The following PSMB2 variants were observed in gnomAD, a reference collection of about 807,000 sequenced individuals.
PSMB2 encodes the protein proteasome 20S subunit beta 2.
Under a neutral mutation model 25.7 loss-of-function variants are expected in PSMB2, and 13 were observed. The observed-to-expected ratio is 0.51, with a 90% CI of 0.33 to 0.80. PSMB2 has a LOEUF of 0.80. PSMB2 is among the 30% of genes least tolerant of loss of function. The pLI, the probability that PSMB2 is intolerant of heterozygous loss-of-function variation, is 0.02. For synonymous variants in PSMB2, 87 were observed against 96.2 expected (o/e 0.90, Z 0.56); for missense variants, 202 against 259.0 (o/e 0.78, Z 1.51).
Position 35,601,458 on chromosome 1 carries a change from G to C in PSMB2, c.*1809C>G. ...CCTATGCATATTCATGGTGGTGTTG[G>C]AGGTTGAATCAACTGTAGTGACGTG... On this transcript the variant is annotated 3_prime_UTR_variant, in exon 6 of 6. Coordinates refer to ENST00000373237, the MANE Select transcript of PSMB2 (RefSeq NM_002794.5). 1 of 985,336 alleles carries C rather than the reference G, an allele frequency of 1.0e-6. No individual in the cohort carries two copies. Among genetic ancestry groups the C allele is most frequent in the Non-Finnish European group, 1.2e-6 (1 of 829,924 alleles). The allele number at this position is 985,336 out of a possible 1,614,324, so 61.0% of individuals were successfully genotyped here. A position where few individuals can be genotyped will look rare whatever the true frequency, so the allele number is the denominator to read the frequency against.
chr1:35,606,164 T>C (rs757018736), intron 4 of PSMB2, among the ~76,000 whole-genome samples: 2 of 152,136 alleles, frequency 1.3e-5, no homozygotes, highest in Non-Finnish European at 2.9e-5. Context: ...AGATGGAACT[T>C]AGCACAAAAG....
At chr1:35,618,388 A>G (rs766901367) in intron 3 of PSMB2, among the ~76,000 whole-genome samples, 1 of 152,188 alleles carries the variant, frequency 6.6e-6, no homozygotes, top group Admixed American at 6.5e-5. Flanking sequence ...CTGAATGAAG[A>G]GCCAGCCAGT....
At chr1:35,628,593 AAAAATATATAT>A (rs1323088246) in intron 3 of PSMB2, among the ~76,000 whole-genome samples, 13 of 27,228 alleles carry the variant, frequency 4.8e-4, no homozygotes, top group East Asian at 3.9e-3. Context: ...AAAAAAAAAA[AAAAATATATAT>A]ATATATATAT....
chr1:35,640,518 A>C (rs1651363933), intron 1 of PSMB2, among the ~76,000 whole-genome samples: 1 of 152,264 alleles, frequency 6.6e-6, no homozygotes, highest in Admixed American at 6.5e-5. Context: ...CTGGAAAAGA[A>C]GAATCGGGAG....
At chr1:35,609,949 A>AT (rs1650282503) in intron 3 of PSMB2, among the ~76,000 whole-genome samples, 1 of 152,200 alleles carries the variant, frequency 6.6e-6, no homozygotes, top group South Asian at 2.1e-4. Context: ...ATAAAAAAAA[A>AT]TTTTGCAAGC....
intron 3 of PSMB2, among the ~76,000 whole-genome samples, chr1:35,625,237 C>T (rs2148572473): frequency 6.6e-6 from 1 of 152,266 alleles, no homozygotes; most frequent in Non-Finnish European, 1.5e-5. Flanking sequence ...ACCAAAGGCT[C>T]ATGAAACACT....
intron 3 of PSMB2, among the ~76,000 whole-genome samples, chr1:35,610,558 C>T (rs1317665184): frequency 1.3e-5 from 2 of 152,052 alleles, no homozygotes; most frequent in African/African-American, 2.4e-5. Flanking sequence ...AGCAATGGTG[C>T]GATCTTGGCT....
intron 1 of PSMB2, among the ~76,000 whole-genome samples, chr1:35,638,682 G>C (rs994582160): frequency 6.6e-6 from 1 of 152,116 alleles, no homozygotes; most frequent in African/African-American, 2.4e-5. Context: ...GGAGTACTCC[G>C]AGTAACTTAA....
intron 3 of PSMB2, among the ~76,000 whole-genome samples, chr1:35,615,799 T>G (rs1650476169): frequency 1.3e-5 from 2 of 152,212 alleles, no homozygotes; most frequent in Non-Finnish European, 2.9e-5. Context: ...ATTTCTTTTT[T>G]GATGTGTTGC....
At chr1:35,636,153 C>T (rs1651240280) in intron 2 of PSMB2, among the ~76,000 whole-genome samples, 157 bp downstream of exon 2, 1 of 152,124 alleles carries the variant, frequency 6.6e-6, no homozygotes, top group South Asian at 2.1e-4. Context: ...GGAGAGAGGC[C>T]TCAGAAATCA....
rs919078612 is a variant in PSMB2 at position 35,602,935 on chromosome 1, T to C, written c.*332A>G. The C allele has an allele frequency of 4.8e-6, 5 of 1,035,356 alleles. No homozygotes were observed. The African/African-American group carries it at 5.1e-5, about 11-fold the overall frequency. The allele number at this position is 1,035,356 out of a possible 1,614,324, so 64.1% of individuals were successfully genotyped here. A position where few individuals can be genotyped will look rare whatever the true frequency, so the allele number is the denominator to read the frequency against. On this transcript the variant is annotated 3_prime_UTR_variant, in exon 6 of 6. Coordinates refer to ENST00000373237, the MANE Select transcript of PSMB2 (RefSeq NM_002794.5). ...ACCACTACTTTAGAGAGAATGGAGA[T>C]ACTAGCAAGTAAAATATATGAAAGA...
chr1:35,637,258 A>T (rs572425372), intron 1 of PSMB2, among the ~76,000 whole-genome samples: 35 of 152,346 alleles, frequency 2.3e-4, no homozygotes, highest in Non-Finnish European at 3.7e-4. Context: ...AAATCAACTG[A>T]GAATATTAAT....
intron 3 of PSMB2, 41 bp downstream of exon 3, chr1:35,631,233 A>AT (rs754541161): frequency 6.3e-7 from 1 of 1,581,266 alleles, no homozygotes; most frequent in Non-Finnish European, 8.7e-7. Context: ...AGCACAAAGG[A>AT]TTTTTCTGCT....
intron 1 of PSMB2, among the ~76,000 whole-genome samples, chr1:35,640,197 C>T (rs1651356876): frequency 1.3e-5 from 2 of 152,074 alleles, no homozygotes; most frequent in Admixed American, 6.6e-5. Context: ...CAAAGACGTG[C>T]TACTGTTGAA....
chr1:35,607,841 A>G (rs1650212124), intron 4 of PSMB2, among the ~76,000 whole-genome samples: 1 of 152,242 alleles, frequency 6.6e-6, no homozygotes, highest in African/African-American at 2.4e-5. Context: ...TGTGGTATAT[A>G]TACACCATGA....
In PSMB2 at chr1:35,601,872, C is replaced by T; in HGVS notation, c.*1395G>A. On this transcript the variant is annotated 3_prime_UTR_variant, in exon 6 of 6. Coordinates refer to ENST00000373237, the MANE Select transcript of PSMB2 (RefSeq NM_002794.5). Reference sequence around the variant, plus strand: ...TTAACCACAAAACATCCACATTGTTCCCTAAAGTTATGCTAAGAGTAAAAC... The same window carrying T: ...TTAACCACAAAACATCCACATTGTTTCCTAAAGTTATGCTAAGAGTAAAAC... 2.0e-6 allele frequency: 2 copies of T among 985,434 alleles called. No individual in the cohort carries two copies. The highest frequency in any genetic ancestry group is 4.7e-5 in the South Asian group (1 of 21,286). 61.0% of individuals were successfully genotyped at this position (985,434 alleles called of 1,614,324 possible). A position where few individuals can be genotyped will look rare whatever the true frequency, so the allele number is the denominator to read the frequency against.
chr1:35,602,905 A>G lies in PSMB2; in HGVS notation c.*362T>C. 1.0e-6 allele frequency: 1 copy of G among 997,582 alleles called. No individual in the cohort carries two copies. The highest frequency in any genetic ancestry group is 1.2e-6 in the Non-Finnish European group (1 of 835,106). The allele number at this position is 997,582 out of a possible 1,614,324, so 61.8% of individuals were successfully genotyped here. A position where few individuals can be genotyped will look rare whatever the true frequency, so the allele number is the denominator to read the frequency against. Reference sequence around the variant, plus strand: ...TTTAAAAATTTAAGTTTAAGGGCAAAAAGAACCACTACTTTAGAGAGAATG... The same window carrying G: ...TTTAAAAATTTAAGTTTAAGGGCAAGAAGAACCACTACTTTAGAGAGAATG... On this transcript the variant is annotated 3_prime_UTR_variant, in exon 6 of 6. Coordinates refer to ENST00000373237, the MANE Select transcript of PSMB2 (RefSeq NM_002794.5).
intron 3 of PSMB2, among the ~76,000 whole-genome samples, chr1:35,628,788 A>G (rs1186175912): frequency 6.6e-6 from 1 of 151,156 alleles, no homozygotes; most frequent in African/African-American, 2.4e-5. Context: ...CAAAGCTAGC[A>G]CTGAGAGGTA....
intron 1 of PSMB2, among the ~76,000 whole-genome samples, chr1:35,639,969 G>T (rs377481388): frequency 6.6e-6 from 1 of 152,008 alleles, no homozygotes; most frequent in Non-Finnish European, 1.5e-5. Flanking sequence ...TCTAGGGCAC[G>T]GAGTTAGAGA....
Sources: allele counts gnomAD v4.1 joint callset (sites outside exome capture counted in the v4.1 genomes callset), GRCh38; gene constraint gnomAD v4.1.1; transcripts MANE v1.5; gene names NCBI Gene and HGNC (gene_info 2026-07-23, HGNC 2026-07-21).